Variants in ARHGAP10 observed in about 807,000 individuals in gnomAD.
ARHGAP10 encodes the protein rho GTPase-activating protein 10.
A neutral mutation model predicts 108.6 loss-of-function variants in ARHGAP10; 87 were observed. The ratio of observed to expected loss-of-function variants is 0.80; its 90% CI spans 0.67 to 0.96. The LOEUF (loss-of-function observed/expected upper bound fraction) is 0.96, where lower values mean the gene tolerates loss of function less well. Ranked by LOEUF, ARHGAP10 falls within the 40% of genes least tolerant of loss-of-function variation. The pLI is 0.00. For synonymous variants in ARHGAP10, 347 were observed against 341.1 expected (o/e 1.02, Z -0.19); for missense variants, 939 against 954.5 (o/e 0.98, Z 0.21).
intron 1 of ARHGAP10, among the ~76,000 whole-genome samples, chr4:147,811,808 T>C (rs1003472184): frequency 6.6e-6 from 1 of 152,206 alleles, no homozygotes; most frequent in African/African-American, 2.4e-5. Flanking sequence ...GATATAAAGA[T>C]GGTGATTTAT....
At chr4:147,900,778 C>T (rs1001666922) in intron 10 of ARHGAP10, among the ~76,000 whole-genome samples, 3 of 151,710 alleles carry the variant, frequency 2.0e-5, no homozygotes, top group East Asian at 3.9e-4. Context: ...TATTTTTTCC[C>T]TCCTTCCTCC....
chr4:148,060,836 A>T (rs1283650158), intron 20 of ARHGAP10, among the ~76,000 whole-genome samples: 1 of 152,202 alleles, frequency 6.6e-6, no homozygotes, highest in East Asian at 1.9e-4. Context: ...GTGCTAGATC[A>T]CATAGCGCAT....
At chr4:147,749,011 C>T (rs1301220306) in intron 1 of ARHGAP10, among the ~76,000 whole-genome samples, 1 of 151,962 alleles carries the variant, frequency 6.6e-6, no homozygotes, top group Non-Finnish European at 1.5e-5. Context: ...ACTTTTGAAA[C>T]TCACTTTATT....
At chr4:147,878,847 G>A (rs1033973128) in intron 8 of ARHGAP10, among the ~76,000 whole-genome samples, 45 of 149,394 alleles carry the variant, frequency 3.0e-4, no homozygotes, top group African/African-American at 1.1e-3. Flanking sequence ...CGCGATCTCG[G>A]CTCACTGCAA....
At chr4:147,935,573 A>G (rs1737893766) in intron 13 of ARHGAP10, among the ~76,000 whole-genome samples, 1 of 152,224 alleles carries the variant, frequency 6.6e-6, no homozygotes, top group East Asian at 1.9e-4. Context: ...CCTTTGGTTG[A>G]CAGGGAAATT....
intron 3 of ARHGAP10, among the ~76,000 whole-genome samples, chr4:147,845,609 A>G (rs569959679): frequency 6.6e-5 from 10 of 152,290 alleles, no homozygotes; most frequent in Admixed American, 1.3e-4. Context: ...AGCAGTTGTT[A>G]GCTTCTGTGA....
intron 13 of ARHGAP10, chr4:147,916,784 A>G (rs1253887385): frequency 6.6e-6 from 1 of 152,270 alleles, no homozygotes; most frequent in Non-Finnish European, 1.5e-5. Flanking sequence ...GGGTAAAGGC[A>G]CAGTGTACTG....
At chr4:147,875,648 T>C (rs1056957011) in intron 8 of ARHGAP10, among the ~76,000 whole-genome samples, 10 of 152,224 alleles carry the variant, frequency 6.6e-5, no homozygotes, top group African/African-American at 2.4e-4. Flanking sequence ...TCTTCCTTCA[T>C]ACCATTTTTG....
intron 18 of ARHGAP10, among the ~76,000 whole-genome samples, chr4:148,010,729 A>T (rs2149653837): frequency 6.6e-6 from 1 of 152,312 alleles, no homozygotes; most frequent in South Asian, 2.1e-4. Flanking sequence ...CAACACATTG[A>T]CATTAACTGG....
chr4:148,043,778 A>ATATATGTATATATATGTG lies in ARHGAP10; in HGVS notation c.1868-3109_1868-3108insGTATATATATGTGTATAT, dbSNP rs1460065713. ...TGTATATATATGTGTATATATATGT[A>ATATATGTATATATATGTG]TATATATATGTATATATATATGCAT... On this transcript the variant is annotated intron_variant, in intron 19 of 22. Transcript: ENST00000336498. Among the ~76,000 whole-genome samples, 33 of 144,622 alleles carry ATATATGTATATATATGTG rather than the reference A, an allele frequency of 2.3e-4. No homozygotes were observed. In the East Asian group the frequency reaches 6.0e-3, roughly 26 times the overall value. 94.9% of individuals were successfully genotyped at this position (144,622 alleles called of 152,430 possible).
chr4:148,036,727 G>A lies in ARHGAP10; in HGVS notation c.1868-10165G>A, dbSNP rs148963663. Among the ~76,000 whole-genome samples the A allele has an allele frequency of 1.8e-3, 280 of 152,296 alleles. 1 individual carries two copies. Among genetic ancestry groups the A allele is most frequent in the African/African-American group, 5.8e-3 (242 of 41,582 alleles). On this transcript the variant is annotated intron_variant, in intron 19 of 22. Transcript: ENST00000336498. ...GACTGATACAAGTTGACTAGCATAC[G>A]GATAGATGGAGAGGGAGTGCCAGGT... is the stretch of plus-strand genomic sequence containing the variant.
chr4:147,984,560 T>G (rs560359652), intron 18 of ARHGAP10, among the ~76,000 whole-genome samples: 27 of 152,338 alleles, frequency 1.8e-4, no homozygotes, highest in South Asian at 8.3e-4. Flanking sequence ...TCTGGCTGTT[T>G]TCACTGGCAA....
chr4:147,777,281 C>T (rs539729889), intron 1 of ARHGAP10, among the ~76,000 whole-genome samples: 5 of 143,778 alleles, frequency 3.5e-5, no homozygotes, highest in African/African-American at 7.7e-5. Context: ...TTTTTTTAGA[C>T]GGAGTCTCAC....
At chr4:147,776,774 C>T (rs1440283452) in intron 1 of ARHGAP10, among the ~76,000 whole-genome samples, 1 of 152,216 alleles carries the variant, frequency 6.6e-6, no homozygotes, top group Non-Finnish European at 1.5e-5. Flanking sequence ...GCATTGGGAG[C>T]TTAGTGCACT....
intron 10 of ARHGAP10, among the ~76,000 whole-genome samples, chr4:147,903,187 G>C (rs1207984555): frequency 6.6e-6 from 1 of 152,200 alleles, no homozygotes. Flanking sequence ...CTCTCCAGCA[G>C]GCTCATGGCG....
intron 16 of ARHGAP10, among the ~76,000 whole-genome samples, chr4:147,958,352 A>G (rs768208514): frequency 6.6e-6 from 1 of 152,106 alleles, no homozygotes; most frequent in Non-Finnish European, 1.5e-5. Flanking sequence ...TTAAACCAAA[A>G]CACTTGTGTT....
At chr4:147,812,974 C>CT (rs1288690387) in intron 1 of ARHGAP10, among the ~76,000 whole-genome samples, 8 of 152,160 alleles carry the variant, frequency 5.3e-5, no homozygotes, top group Non-Finnish European at 1.0e-4. Flanking sequence ...ATTGCACATA[C>CT]TTAACCTGCT....
At chr4:147,825,947 G>A (rs935169004) in intron 3 of ARHGAP10, among the ~76,000 whole-genome samples, 1 of 152,198 alleles carries the variant, frequency 6.6e-6, no homozygotes, top group Non-Finnish European at 1.5e-5. Flanking sequence ...CTAGGCGGGG[G>A]TAGTGAAGTA....
intron 4 of ARHGAP10, 108 bp from the exon 5 acceptor site, chr4:147,857,445 G>A (rs1294233110): frequency 6.4e-6 from 7 of 1,088,428 alleles, no homozygotes; most frequent in Non-Finnish European, 8.6e-6. Flanking sequence ...CATTCAGAGT[G>A]GTGCTTTGTT....
Sources: gnomAD v4.1 joint callset for allele counts (sites outside exome capture counted in the v4.1 genomes callset) on GRCh38, gnomAD v4.1.1 for gene constraint, MANE v1.5 for transcripts, NCBI Gene and HGNC (gene_info 2026-07-23, HGNC 2026-07-21) for gene names.